ATXN2L: variants seen among roughly 807,000 people sequenced by gnomAD.
The protein encoded by ATXN2L is ataxin 2 like, also known as ataxin-2-like protein.
A neutral mutation model predicts 120.7 loss-of-function variants in ATXN2L; 24 were observed. That is an observed-to-expected ratio of 0.20 (90% CI 0.14 to 0.28). The LOEUF (loss-of-function observed/expected upper bound fraction) is 0.28. Among genes scored for constraint, ATXN2L ranks in the 10% least tolerant of loss-of-function variants. ATXN2L has a pLI of 1.00. For synonymous variants in ATXN2L, 653 were observed against 568.1 expected, an observed-to-expected ratio of 1.15 and a Z score of -2.13; for missense variants, 1,312 against 1,432.3, an observed-to-expected ratio of 0.92 and a Z score of 1.36.
chr16:28,830,888 G>A, intron 9 of ATXN2L, 74 bp from the exon 10 acceptor site: 1 of 1,492,046 alleles, frequency 6.7e-7, no homozygotes, highest in Non-Finnish European at 9.0e-7. Flanking sequence ...GAATGACGCT[G>A]CATCGGTGGG....
At chr16:28,823,773 G>T in intron 1 of ATXN2L, 1 of 449,798 alleles carries the variant, frequency 2.2e-6, no homozygotes, top group Non-Finnish European at 3.6e-6. Flanking sequence ...CTCGGCTCTC[G>T]GGGCCTAGTC....
chr16:28,829,774 A>G lies in ATXN2L; in HGVS notation c.834-84A>G, dbSNP rs1169883086. ...AAATACTTCCATGCCTGAACTGGTG[A>G]TTGGACTTGTTGAAATGTTTTTCCT... On this transcript the variant is annotated intron_variant, in intron 7 of 21. Coordinates refer to ENST00000336783, the MANE Select transcript of ATXN2L (RefSeq NM_007245.4). 5 of 1,425,632 alleles carry G rather than the reference A, an allele frequency of 3.5e-6. No individual in the cohort carries two copies. In the African/African-American group the frequency reaches 5.6e-5, roughly 16 times the overall value. The allele number at this position is 1,425,632 out of a possible 1,614,324, so 88.3% of individuals were successfully genotyped here.
chr16:28,832,319 C>T lies in ATXN2L; in HGVS notation c.1436C>T (p.Pro479Leu), dbSNP rs1596942945. 6 of 1,614,206 alleles carry T rather than the reference C, an allele frequency of 3.7e-6. No homozygotes were observed. The highest frequency in any genetic ancestry group is 1.3e-5 in the African/African-American group (1 of 75,042). ...SAVPTSSASI[P>L]VTSSVSDPGV... Reference sequence around the variant, plus strand: ...GTGCCAACCTCTTCAGCCTCCATCCCTGTGACCTCATCAGTCTCAGATCCT... The same window carrying T: ...GTGCCAACCTCTTCAGCCTCCATCCTTGTGACCTCATCAGTCTCAGATCCT... The change falls in exon 11 of 22, where the codon CCT (proline) becomes CTT (leucine). Residue 479 changes from proline (P) to leucine (L), a missense_variant. Pro to Leu is a moderately conservative substitution (Grantham distance 98). Coordinates refer to ENST00000336783, the MANE Select transcript of ATXN2L (RefSeq NM_007245.4).
chr16:28,831,744 C>T (rs561484490), intron 10 of ATXN2L, among the ~76,000 whole-genome samples: 7 of 152,232 alleles, frequency 4.6e-5, no homozygotes, highest in East Asian at 1.9e-4. Context: ...ATTAGCTAGG[C>T]TTGATGGCGT....
chr16:28,834,219 G>GA lies in ATXN2L; in HGVS notation c.2172+9dup. The GA allele has an allele frequency of 6.2e-7, 1 of 1,612,804 alleles. No homozygotes were observed. The highest frequency in any genetic ancestry group is 8.5e-7 in the Non-Finnish European group (1 of 1,178,984). On this transcript the variant is annotated intron_variant, in intron 16 of 21. Coordinates refer to ENST00000336783, the MANE Select transcript of ATXN2L (RefSeq NM_007245.4). Reference sequence around the variant, plus strand: ...ATGGGACCAGCTGTGCAGGTATGCAGAGAGACTGGCCGGGCCCAGGGTTAG... The same window carrying GA: ...ATGGGACCAGCTGTGCAGGTATGCAGAAGAGACTGGCCGGGCCCAGGGTTAG...
At position 28,834,518 on chromosome 16, in the gene ATXN2L, C is replaced by T. The variant is rs762176848; in HGVS notation, c.2258C>T (p.Pro753Leu). 8.1e-6 allele frequency: 13 copies of T among 1,610,860 alleles called. No individual in the cohort carries two copies. The highest frequency in any genetic ancestry group is 6.7e-5 in the Admixed American group (4 of 59,972). ...CCTCCTCTTCCAGGCTCCCTTCCTC[C>T]GCAGCGCTCGGACCAACACCAGCCA... is the stretch of plus-strand genomic sequence containing the variant. The part of the protein sequence containing the change: ...KYRGAKGSLP[P>L]QRSDQHQPAS... Residue 753 changes from proline to leucine, a missense_variant, in exon 18 of 22, where the codon CCG becomes CTG. Physicochemically the swap from Pro to Leu is moderately conservative, Grantham distance 98. Transcript: ENST00000336783.
chr16:28,823,393 C>G lies in ATXN2L; in HGVS notation c.134C>G (p.Ser45Cys). 1 of 1,335,992 alleles carries G rather than the reference C, an allele frequency of 7.5e-7. No homozygotes were observed. The highest frequency in any genetic ancestry group is 9.5e-7 in the Non-Finnish European group (1 of 1,047,780). The allele number at this position is 1,335,992 out of a possible 1,614,324, so 82.8% of individuals were successfully genotyped here. A position where few individuals can be genotyped will look rare whatever the true frequency, so the allele number is the denominator to read the frequency against. The change falls in exon 1 of 22, where the codon TCT becomes TGT. Residue 45 changes from serine to cysteine, a missense_variant. By Grantham distance (112) the Ser-to-Cys change is moderately radical. Transcript: ENST00000336783. The part of the protein sequence containing the change: ...NGGLPGPLAT[S>C]AAPPGPPAAA... ...GGCCTCCCGGGGCCGCTGGCCACCT[C>G]TGCGGCTCCTCCCGGGCCTCCAGCG...
intron 1 of ATXN2L, chr16:28,824,245 G>C: frequency 1.8e-6 from 2 of 1,112,216 alleles, no homozygotes; most frequent in South Asian, 3.9e-5. Context: ...CTCGTCTGGT[G>C]GCAGTGCATG....
chr16:28,825,598 A>C (rs747040403), intron 2 of ATXN2L, 26 bp from the exon 3 acceptor site: 1 of 1,609,698 alleles, frequency 6.2e-7, no homozygotes, highest in South Asian at 1.1e-5. Context: ...TACTCCTTTA[A>C]TTCTCCCTCT....
Position 28,837,030 on chromosome 16 carries a change from T to G in ATXN2L, c.*765T>G. ...CTTGCCCTCCCATCCTCTCATCTAT[T>G]CCCCCGCTGGAGACGGAAGATCTTT... On this transcript the variant is annotated 3_prime_UTR_variant, in exon 22 of 22. Transcript: ENST00000336783. 3.0e-6 allele frequency: 2 copies of G among 664,862 alleles called. No individual in the cohort carries two copies. The highest frequency in any genetic ancestry group is 5.5e-6 in the Non-Finnish European group (2 of 362,460). The allele number at this position is 664,862 out of a possible 1,614,324, so 41.2% of individuals were successfully genotyped here. A position where few individuals can be genotyped will look rare whatever the true frequency, so the allele number is the denominator to read the frequency against.
intron 18 of ATXN2L, 86 bp downstream of exon 18, chr16:28,834,779 G>A (rs1959429641): frequency 1.4e-6 from 2 of 1,447,410 alleles, no homozygotes; most frequent in Non-Finnish European, 1.9e-6. Flanking sequence ...CTGGCTAGGG[G>A]TGGCAGGCAG....
rs1289722656 is a variant in ATXN2L, at chr16:28,835,127, G to A, written c.2503G>A (p.Val835Met). Reference protein sequence around the residue: ...LTSGSHPQAIVSSSTPQYPSA... With the variant: ...LTSGSHPQAIMSSSTPQYPSA... Reference sequence around the variant, plus strand: ...GTCGGGCAGCCATCCCCAGGCCATCGTGTCATCCTCTACCCCTCAGTACCC... The same window carrying A: ...GTCGGGCAGCCATCCCCAGGCCATCATGTCATCCTCTACCCCTCAGTACCC... The change falls in exon 19 of 22, where the codon GTG (valine) becomes ATG (methionine). Residue 835 changes from valine to methionine, a missense_variant. Physicochemically the swap from Val to Met is conservative, Grantham distance 21. Transcript: ENST00000336783. 11 of 1,613,830 alleles carry A rather than the reference G, an allele frequency of 6.8e-6. No homozygotes were observed. The highest frequency in any genetic ancestry group is 1.6e-4 in the Middle Eastern group (1 of 6,080).
chr16:28,823,309 C>A lies in ATXN2L; in HGVS notation c.50C>A (p.Pro17His), dbSNP rs745717480. 4.7e-6 allele frequency: 7 copies of A among 1,492,918 alleles called. No individual in the cohort carries two copies. Among genetic ancestry groups the A allele is most frequent in the Non-Finnish European group, 6.2e-6 (7 of 1,122,938 alleles). 92.5% of individuals were successfully genotyped at this position (1,492,918 alleles called of 1,614,324 possible). Reference protein sequence around the residue: ...LQQPSQPQQPPPTQQAVARRP... With the variant: ...LQQPSQPQQPHPTQQAVARRP... Reference sequence around the variant, plus strand: ...CAGCCCTCCCAGCCCCAGCAGCCGCCCCCCACGCAACAGGCCGTGGCCCGT... The same window carrying A: ...CAGCCCTCCCAGCCCCAGCAGCCGCACCCCACGCAACAGGCCGTGGCCCGT... The change falls in exon 1 of 22, where the codon CCC (proline) becomes CAC (histidine). Residue 17 changes from proline (P) to histidine (H), a missense_variant. Transcript: ENST00000336783.
rs1959944489 is a variant in ATXN2L at position 28,835,234 on chromosome 16, C to T, written c.2564-44C>T. ...TCTGCTCTGGGCTGTGTGCCAGCCC[C>T]CTCTGGTGTGCTCAGCACTGGTTCT... On this transcript the variant is annotated intron_variant, in intron 19 of 21. Transcript: ENST00000336783. 2.5e-6 allele frequency: 4 copies of T among 1,612,016 alleles called. No individual in the cohort carries two copies. The East Asian group carries it at 6.7e-5, about 27-fold the overall frequency.
Position 28,836,010 on chromosome 16 carries a change from G to C in ATXN2L, c.2973G>C (p.Leu991=), listed in dbSNP as rs1960517595. ...CCCACCCGCCCCAGGTGATGCTGCT[G>C]CACCCACCCCAGAGTCATGGGGGGC... ...GAPHPPQVML[L]HPPQSHGGPP... is the part of the protein sequence containing the mutation. Residue 991 remains leucine (L), a synonymous_variant, in exon 22 of 22, where the codon CTG becomes CTC. Coordinates refer to ENST00000336783, the MANE Select transcript of ATXN2L (RefSeq NM_007245.4). 1 of 1,565,382 alleles carries C rather than the reference G, an allele frequency of 6.4e-7. No homozygotes were observed. The highest frequency in any genetic ancestry group is 8.7e-7 in the Non-Finnish European group (1 of 1,153,542).
In ATXN2L at chr16:28,831,090, T is replaced by C; in HGVS notation, c.1321+18T>C. 1 of 1,523,356 alleles carries C rather than the reference T, an allele frequency of 6.6e-7. No homozygotes were observed. The highest frequency in any genetic ancestry group is 9.0e-7 in the Non-Finnish European group (1 of 1,109,824). The allele number at this position is 1,523,356 out of a possible 1,614,324, so 94.4% of individuals were successfully genotyped here. On this transcript the variant is annotated intron_variant, in intron 10 of 21. Coordinates refer to ENST00000336783, the MANE Select transcript of ATXN2L (RefSeq NM_007245.4). ...TCCTGCAGGTAAAGCTTTAGTAGTG[T>C]TGGATGAAGAAATGGATGGAAATTT...
In ATXN2L at chr16:28,823,210, C is replaced by A. The variant is rs1212639942; in HGVS notation, c.-50C>A. On this transcript the variant is annotated 5_prime_UTR_variant, in exon 1 of 22. Transcript: ENST00000336783. ...CTCTCCAGCGGGGCCCCAGCCCCGG[C>A]CCCCTCTCTCCCTCCCTTCTCTCTA... 7 of 1,125,334 alleles carry A rather than the reference C, an allele frequency of 6.2e-6. No homozygotes were observed. The Admixed American group carries it at 1.5e-4, about 23-fold the overall frequency. 69.7% of individuals were successfully genotyped at this position (1,125,334 alleles called of 1,614,324 possible). A position where few individuals can be genotyped will look rare whatever the true frequency, so the allele number is the denominator to read the frequency against.
At chr16:28,823,858 G>T in intron 1 of ATXN2L, 1 of 330,704 alleles carries the variant, frequency 3.0e-6, no homozygotes, top group Non-Finnish European at 5.4e-6. Flanking sequence ...AGTTGGGGGG[G>T]GGCAAGGAGC....
rs372829216 is a variant in ATXN2L at position 28,823,311 on chromosome 16, C to A, written c.52C>A (p.Pro18Thr). Residue 18 changes from proline to threonine, a missense_variant, in exon 1 of 22, where the codon CCC (proline) becomes ACC (threonine). Pro to Thr is a conservative substitution (Grantham distance 38). Coordinates refer to ENST00000336783, the MANE Select transcript of ATXN2L (RefSeq NM_007245.4). Reference protein sequence around the residue: ...QQPSQPQQPPPTQQAVARRPP... With the variant: ...QQPSQPQQPPTTQQAVARRPP... ...GCCCTCCCAGCCCCAGCAGCCGCCC[C>A]CCACGCAACAGGCCGTGGCCCGTCG... 9.6e-5 allele frequency: 144 copies of A among 1,492,436 alleles called. 1 individual carries two copies. In the African/African-American group the frequency reaches 1.8e-3, roughly 19 times the overall value. 92.4% of individuals were successfully genotyped at this position (1,492,436 alleles called of 1,614,324 possible).
Sources: allele counts gnomAD v4.1 joint callset (sites outside exome capture counted in the v4.1 genomes callset), GRCh38; gene constraint gnomAD v4.1.1; transcripts MANE v1.5; gene names NCBI Gene and HGNC (gene_info 2026-07-23, HGNC 2026-07-21).